ARHGEF28: variants seen among roughly 807,000 people sequenced by gnomAD.
ARHGEF28 encodes the protein 190 kDa guanine nucleotide exchange factor.
ARHGEF28 carries 152 observed loss-of-function variants against 206.6 expected under a neutral mutation model. The ratio of observed to expected loss-of-function variants is 0.74; its 90% CI spans 0.64 to 0.84. The LOEUF (loss-of-function observed/expected upper bound fraction) is 0.84. Among genes scored for constraint, ARHGEF28 ranks in the 40% least tolerant of loss-of-function variants. ARHGEF28 has a pLI of 0.00. For missense variants in ARHGEF28, 2,028 were observed against 2,073.2 expected, an observed-to-expected ratio of 0.98 and a Z score of 0.42; for synonymous variants, 763 against 776.4, an observed-to-expected ratio of 0.98 and a Z score of 0.29.
At chr5:73,911,759 T>G (rs1014697585) in intron 35 of ARHGEF28, 184 bp downstream of exon 35, 3 of 634,176 alleles carry the variant, frequency 4.7e-6, no homozygotes, top group Non-Finnish European at 5.4e-6. Flanking sequence ...TGCTTGTAAG[T>G]TACCTAGACA....
chr5:73,881,652 G>C (rs1043548403), intron 22 of ARHGEF28, among the ~76,000 whole-genome samples: 12 of 152,214 alleles, frequency 7.9e-5, no homozygotes, highest in African/African-American at 2.9e-4. Flanking sequence ...GTACTTTTAA[G>C]AGGGTGGGTG....
At chr5:73,663,010 C>T (rs1429312494) in intron 1 of ARHGEF28, among the ~76,000 whole-genome samples, 1 of 152,162 alleles carries the variant, frequency 6.6e-6, no homozygotes, top group Admixed American at 6.5e-5. Context: ...GGCTGGAGTG[C>T]AATGGCCCAA....
rs1055594804 is a variant in ARHGEF28, at chr5:73,897,984, G to T, written c.3864G>T (p.Val1288=). Residue 1288 remains valine, a synonymous_variant, in exon 30 of 36, where the codon GTG becomes GTT. Transcript: ENST00000513042. ...LKEAESLQVA[V]KASQMGAVSQ... is the part of the protein sequence containing the mutation. ...TAGCTGAGAGCCTACAAGTTGCAGT[G>T]AAGGCCTCACAGATGGGCGCCGTGA... 1 of 1,587,952 alleles carries T rather than the reference G, an allele frequency of 6.3e-7. No homozygotes were observed. Among genetic ancestry groups the T allele is most frequent in the African/African-American group, 1.3e-5 (1 of 74,444 alleles).
chr5:73,871,669 A>G (rs1448558328), intron 21 of ARHGEF28, among the ~76,000 whole-genome samples: 1 of 152,188 alleles, frequency 6.6e-6, no homozygotes, highest in Non-Finnish European at 1.5e-5. Context: ...AGTTTTTAGT[A>G]TATTCACGAA....
chr5:73,647,931 G>A (rs527420677), intron 1 of ARHGEF28, among the ~76,000 whole-genome samples: 3 of 152,292 alleles, frequency 2.0e-5, no homozygotes, highest in African/African-American at 7.2e-5. Flanking sequence ...ATCTTTTCTT[G>A]AGATCTTTGC....
At chr5:73,935,496 G>T (rs1228846587) in intron 35 of ARHGEF28, among the ~76,000 whole-genome samples, 5 of 152,158 alleles carry the variant, frequency 3.3e-5, no homozygotes, top group African/African-American at 1.2e-4. Flanking sequence ...TATTTGCTCT[G>T]AAGATACCTC....
intron 29 of ARHGEF28, among the ~76,000 whole-genome samples, chr5:73,896,571 T>A (rs1442799550): frequency 6.6e-6 from 1 of 152,120 alleles, no homozygotes; most frequent in Non-Finnish European, 1.5e-5. Flanking sequence ...TAGGATGTGA[T>A]CACAGAAGTT....
intron 22 of ARHGEF28, among the ~76,000 whole-genome samples, chr5:73,877,895 A>G (rs542475134): frequency 1.3e-4 from 20 of 152,216 alleles, no homozygotes; most frequent in Non-Finnish European, 1.6e-4. Flanking sequence ...AAAAATATAT[A>G]TTCTGTTGAT....
At chr5:73,654,993 TAA>T (rs1745093524) in intron 1 of ARHGEF28, among the ~76,000 whole-genome samples, 1 of 152,350 alleles carries the variant, frequency 6.6e-6, no homozygotes, top group East Asian at 1.9e-4. Flanking sequence ...GTTTGAATAC[TAA>T]TGTAAAATCT....
rs1450785807 is a variant in ARHGEF28, at chr5:73,911,594, A to G, written c.4948+19A>G. On this transcript the variant is annotated intron_variant, in intron 35 of 35. Coordinates refer to ENST00000513042, the MANE Select transcript of ARHGEF28 (RefSeq NM_001177693.2). ...AAAAATGGTAATTAACACTTTAAAC[A>G]TCATCTGTATAGTTTGAACAAGAAG... 2.6e-6 allele frequency: 4 copies of G among 1,562,914 alleles called. No homozygotes were observed. The highest frequency in any genetic ancestry group is 1.9e-5 in the Admixed American group (1 of 53,042).
chr5:73,652,964 T>G (rs1305746941), intron 1 of ARHGEF28, among the ~76,000 whole-genome samples: 1 of 152,212 alleles, frequency 6.6e-6, no homozygotes, highest in East Asian at 1.9e-4. Context: ...GAACTACTTC[T>G]TGGAAAGAAA....
intron 16 of ARHGEF28, among the ~76,000 whole-genome samples, chr5:73,864,193 T>C (rs1312362411): frequency 6.6e-6 from 1 of 152,180 alleles, no homozygotes; most frequent in East Asian, 1.9e-4. Flanking sequence ...TCTGTGTTCA[T>C]GGGCAGAAAG....
At chr5:73,847,038 A>G (rs1464723119) in intron 12 of ARHGEF28, among the ~76,000 whole-genome samples, 1 of 151,946 alleles carries the variant, frequency 6.6e-6, no homozygotes, top group African/African-American at 2.4e-5. Context: ...TTTGTTATTT[A>G]TTTACTTATT....
intron 11 of ARHGEF28, among the ~76,000 whole-genome samples, chr5:73,845,041 G>A (rs1042995640): frequency 7.6e-6 from 1 of 131,372 alleles, no homozygotes. Flanking sequence ...TTTTTGAGAC[G>A]GAGTCTTGCT....
Position 73,822,144 on chromosome 5 carries a change from G to A in ARHGEF28, c.1025-10194G>A, listed in dbSNP as rs150632588. ...GACCCAAAGTGTACTTGTTATTTAC[G>A]AGGGGGTTTAAACTGTGCTTTTCCG... On this transcript the variant is annotated intron_variant, in intron 9 of 35. Coordinates refer to ENST00000513042, the MANE Select transcript of ARHGEF28 (RefSeq NM_001177693.2). Among the ~76,000 whole-genome samples the A allele has an allele frequency of 2.7e-3, 407 of 152,268 alleles. 2 individuals carry two copies. Among genetic ancestry groups the A allele is most frequent in the African/African-American group, 9.4e-3 (392 of 41,528 alleles).
rs368635414 is a variant in ARHGEF28, at chr5:73,749,948, C to T, written c.145C>T (p.Arg49Cys). 61 of 1,613,908 alleles carry T rather than the reference C, an allele frequency of 3.8e-5. 3 individuals carry two copies. The highest frequency in any genetic ancestry group is 3.7e-4 in the African/African-American group (28 of 75,022). The stretch of plus-strand genomic sequence containing the variant: ...TCAGCGACATGTCATGATTGCAGAG[C>T]GCATCGAGGATAACGTTCTCCAGTC... Reference protein sequence around the residue: ...SHQRHVMIAERIEDNVLQSSV... With the variant: ...SHQRHVMIAECIEDNVLQSSV... The change falls in exon 3 of 36, where the codon CGC becomes TGC. Residue 49 changes from arginine to cysteine, a missense_variant. Arg to Cys is a radical substitution (Grantham distance 180). Transcript: ENST00000513042.
intron 14 of ARHGEF28, among the ~76,000 whole-genome samples, chr5:73,854,811 G>A (rs1182166949): frequency 6.6e-6 from 1 of 151,460 alleles, no homozygotes; most frequent in Admixed American, 6.6e-5. Context: ...TAGTCTGGGC[G>A]ACAGAGCCAG....
chr5:73,807,642 G>A (rs533520383), intron 9 of ARHGEF28, among the ~76,000 whole-genome samples: 1 of 151,876 alleles, frequency 6.6e-6, no homozygotes, highest in East Asian at 1.9e-4. Flanking sequence ...CTGCCACCAT[G>A]CCCAGCTAAT....
At chr5:73,740,384 G>A (rs1156599457) in intron 2 of ARHGEF28, among the ~76,000 whole-genome samples, 4 of 152,034 alleles carry the variant, frequency 2.6e-5, no homozygotes, top group Non-Finnish European at 5.9e-5. Context: ...GAGCAAATAA[G>A]CAAAACAGAA....
Sources: allele counts gnomAD v4.1 joint callset (sites outside exome capture counted in the v4.1 genomes callset), GRCh38; gene constraint gnomAD v4.1.1; transcripts MANE v1.5; gene names NCBI Gene and HGNC (gene_info 2026-07-23, HGNC 2026-07-21).